EML1: variants seen among roughly 807,000 people sequenced by gnomAD.
EML1 encodes the protein echinoderm microtubule-associated protein-like 1.
A neutral mutation model predicts 110.4 loss-of-function variants in EML1; 27 were observed. The observed-to-expected ratio is 0.24, with a 90% CI of 0.18 to 0.34. EML1 has a LOEUF of 0.34. EML1 is among the 10% of genes least tolerant of loss of function. The pLI, the probability that EML1 is intolerant of heterozygous loss-of-function variation, is 1.00. For missense variants in EML1, 741 were observed against 1,030.9 expected, an observed-to-expected ratio of 0.72 and a Z score of 3.85; for synonymous variants, 344 against 385.8, an observed-to-expected ratio of 0.89 and a Z score of 1.27.
rs140507085 is a variant in EML1, at chr14:99,888,716, AAGT to A, written c.519-2478_519-2476del. 7.9e-4 allele frequency among the ~76,000 whole-genome samples: 121 copies of A among 152,318 alleles called. 3 individuals carry two copies. The East Asian group carries it at 0.022, about 27-fold the overall frequency. Reference sequence around the variant, plus strand: ...AGGCCACCATGGAGCTGAGGACAGAAAGTAGTATAATGAACTGAAGTGTTACTG... The same window carrying A: ...AGGCCACCATGGAGCTGAGGACAGAAAGTATAATGAACTGAAGTGTTACTG... On this transcript the variant is annotated intron_variant, in intron 4 of 21. Coordinates refer to ENST00000262233, the MANE Select transcript of EML1 (RefSeq NM_004434.3).
chr14:99,806,564 C>G (rs887413554), intron 1 of EML1, among the ~76,000 whole-genome samples: 3 of 152,110 alleles, frequency 2.0e-5, no homozygotes, highest in Non-Finnish European at 2.9e-5. Flanking sequence ...GATCTGCCCA[C>G]CTTGGCCTCC....
chr14:99,741,389 C>G (rs149301091), intron 1 of EML1, among the ~76,000 whole-genome samples: 58 of 152,230 alleles, frequency 3.8e-4, no homozygotes, highest in African/African-American at 1.3e-3. Flanking sequence ...TCTTTATCAC[C>G]TCCCCCAATG....
intron 1 of EML1, among the ~76,000 whole-genome samples, chr14:99,820,605 A>G (rs1431575400): frequency 4.6e-5 from 7 of 152,180 alleles, no homozygotes; most frequent in African/African-American, 1.7e-4. Flanking sequence ...TTACTTTTCC[A>G]TTATCCCAAT....
At chr14:99,824,206 C>T (rs549266671) in intron 1 of EML1, among the ~76,000 whole-genome samples, 5 of 152,122 alleles carry the variant, frequency 3.3e-5, no homozygotes, top group Non-Finnish European at 7.4e-5. Flanking sequence ...GCGATCCACC[C>T]GCCTCAGCCT....
rs1206882278 is a variant in EML1, at chr14:99,919,114, GC to G, written c.1820+1266del. ...GACAGTGCACACAGCACCTGCCAGG[GC>G]TGCCCATCAGGCACTGCAGGGGTTA... On this transcript the variant is annotated intron_variant, in intron 16 of 21. Transcript: ENST00000262233. Among the ~76,000 whole-genome samples, 4 of 152,192 alleles carry G rather than the reference GC, an allele frequency of 2.6e-5. No homozygotes were observed. In the East Asian group the frequency reaches 7.7e-4, roughly 29 times the overall value.
In EML1 at chr14:99,941,110, G is replaced by A. The variant is rs1343317495; in HGVS notation, c.*998G>A. 6.6e-6 allele frequency: 1 copy of A among 152,174 alleles called. No individual in the cohort carries two copies. Among genetic ancestry groups the A allele is most frequent in the Admixed American group, 6.6e-5 (1 of 15,266 alleles). 9.4% of individuals were successfully genotyped at this position (152,174 alleles called of 1,614,324 possible). A position where few individuals can be genotyped will look rare whatever the true frequency, so the allele number is the denominator to read the frequency against. ...GGTACCAAGGGCAGCTGCTTTTCCTGTCTTTTGTGCATGGGCGACCCATTA... is the reference window on the plus strand; with the variant it reads ...GGTACCAAGGGCAGCTGCTTTTCCTATCTTTTGTGCATGGGCGACCCATTA... On this transcript the variant is annotated 3_prime_UTR_variant, in exon 22 of 22. Coordinates refer to ENST00000262233, the MANE Select transcript of EML1 (RefSeq NM_004434.3).
At chr14:99,744,299 A>G (rs555165526) in intron 1 of EML1, among the ~76,000 whole-genome samples, 1 of 152,262 alleles carries the variant, frequency 6.6e-6, no homozygotes, top group East Asian at 1.9e-4. Flanking sequence ...ACGGTGACCC[A>G]GTGTGATGCT....
chr14:99,760,978 C>G (rs189741087), intron 1 of EML1, among the ~76,000 whole-genome samples: 1 of 152,050 alleles, frequency 6.6e-6, no homozygotes, highest in East Asian at 1.9e-4. Flanking sequence ...AAAACAGAAC[C>G]ACAGACAAAT....
chr14:99,865,745 C>G lies in EML1; in HGVS notation c.383+99C>G, dbSNP rs959415780. On this transcript the variant is annotated intron_variant, in intron 3 of 21. Transcript: ENST00000262233. ...TTAAAATGACATTGTACAATTTCTT[C>G]TGTGAGTTAAAGCTTATAAAAGTCC... The G allele has an allele frequency of 1.3e-5, 19 of 1,426,686 alleles. 2 individuals carry two copies. In the South Asian group the frequency reaches 2.8e-4, roughly 21 times the overall value. The allele number at this position is 1,426,686 out of a possible 1,614,324, so 88.4% of individuals were successfully genotyped here.
chr14:99,760,838 G>A (rs2057307316), intron 1 of EML1, among the ~76,000 whole-genome samples: 1 of 152,058 alleles, frequency 6.6e-6, no homozygotes, highest in African/African-American at 2.4e-5. Context: ...CATTCAACCA[G>A]TACACGCAAA....
At chr14:99,851,439 C>T (rs1304222065) in intron 2 of EML1, among the ~76,000 whole-genome samples, 5 of 152,130 alleles carry the variant, frequency 3.3e-5, no homozygotes. Context: ...CCACGAGTAG[C>T]TGGGACTACA....
intron 5 of EML1, among the ~76,000 whole-genome samples, chr14:99,894,104 G>A (rs1023955773): frequency 1.3e-5 from 2 of 152,044 alleles, no homozygotes; most frequent in African/African-American, 4.8e-5. Context: ...ATCCTAGCAT[G>A]CACTTCTGCT....
intron 1 of EML1, among the ~76,000 whole-genome samples, chr14:99,756,507 G>C (rs1182364233): frequency 2.0e-5 from 3 of 152,192 alleles, no homozygotes; most frequent in Admixed American, 1.3e-4. Flanking sequence ...GGTGGGCTTT[G>C]GGGAAACCTT....
In EML1 at chr14:99,939,393, G is replaced by A. The variant is rs2060537533; in HGVS notation, c.2322+66G>A. 6.3e-7 allele frequency: 1 copy of A among 1,591,736 alleles called. No homozygotes were observed. The highest frequency in any genetic ancestry group is 1.7e-4 in the Middle Eastern group (1 of 5,806). On this transcript the variant is annotated intron_variant, in intron 21 of 21. Transcript: ENST00000262233. This position sits in a 1 kb window ranked among gnomAD's most constrained non-coding sequence, Gnocchi z 4.2. The stretch of plus-strand genomic sequence containing the variant: ...GCATGCACGTACACCCGACCTGTTT[G>A]GAGACTAAGTGGAAATGGGCTGTGA...
rs756953819 is a variant in EML1 at position 99,940,054 on chromosome 14, G to A, written c.2390G>A (p.Ser797Asn). Residue 797 changes from serine to asparagine, a missense_variant, in exon 22 of 22, where the codon AGC becomes AAC. Ser to Asn is a conservative substitution (Grantham distance 46). Transcript: ENST00000262233. ...VTNVDFLCED[S>N]HLISTGGKDT... ...AATGTCGATTTCCTCTGTGAAGACA[G>A]CCACCTCATCTCCACGGGCGGGAAA... 20 of 1,601,456 alleles carry A rather than the reference G, an allele frequency of 1.2e-5. No individual in the cohort carries two copies. The highest frequency in any genetic ancestry group is 1.3e-5 in the African/African-American group (1 of 74,200).
At chr14:99,901,618 T>G (rs563217305) in intron 9 of EML1, among the ~76,000 whole-genome samples, 2 of 152,294 alleles carry the variant, frequency 1.3e-5, no homozygotes, top group East Asian at 3.9e-4. Context: ...TGCCTCCCCT[T>G]TTTAGACCAT....
chr14:99,759,038 C>T (rs2057287027), intron 1 of EML1, among the ~76,000 whole-genome samples: 1 of 152,232 alleles, frequency 6.6e-6, no homozygotes, highest in Non-Finnish European at 1.5e-5. Flanking sequence ...ACGGAGGCCC[C>T]AGCAGTTGAA....
At chr14:99,778,189 A>G (rs1356030053) in intron 1 of EML1, among the ~76,000 whole-genome samples, 1 of 152,198 alleles carries the variant, frequency 6.6e-6, no homozygotes, top group East Asian at 1.9e-4. Context: ...CCATACTCAC[A>G]TGTGGATACA....
chr14:99,763,937 G>A (rs144093251), intron 1 of EML1, among the ~76,000 whole-genome samples: 55 of 152,298 alleles, frequency 3.6e-4, no homozygotes, highest in African/African-American at 1.3e-3. Context: ...TTCATGACCT[G>A]TGCAGGCTTC....
Sources: allele counts gnomAD v4.1 joint callset (sites outside exome capture counted in the v4.1 genomes callset), GRCh38; gene constraint gnomAD v4.1.1; non-coding constraint Gnocchi (gnomAD v3.1); transcripts MANE v1.5; gene names NCBI Gene and HGNC (gene_info 2026-07-23, HGNC 2026-07-21).